Variants in PPP1CB observed in about 807,000 individuals in gnomAD.
PPP1CB encodes the protein protein phosphatase 1 catalytic subunit beta, also known as serine/threonine-protein phosphatase PP1-beta catalytic subunit.
Under a neutral mutation model 43.7 loss-of-function variants are expected in PPP1CB, and 2 were observed. That is an observed-to-expected ratio of 0.05 (90% CI 0.02 to 0.14). PPP1CB has a LOEUF of 0.14. Ranked by LOEUF, PPP1CB falls within the 10% of genes least tolerant of loss-of-function variation. The pLI, the probability that PPP1CB is intolerant of heterozygous loss-of-function variation, is 1.00. For missense variants in PPP1CB, 84 were observed against 398.0 expected (o/e 0.21, Z 6.71); for synonymous variants, 136 against 135.6 (o/e 1.00, Z -0.02).
At chr2:28,765,292 C>T (rs1341484331) in intron 1 of PPP1CB, among the ~76,000 whole-genome samples, 2 of 152,160 alleles carry the variant, frequency 1.3e-5, no homozygotes, top group Admixed American at 1.3e-4. Flanking sequence ...TGATGCTGAT[C>T]TGTAGTGAGA....
chr2:28,783,834 C>A lies in PPP1CB; in HGVS notation c.521-73C>A, dbSNP rs548489417. ...ATAGTGAATCTATTTTGATTAAATG[C>A]TTTTTATTCGGTGACTGTTAAAATA... On this transcript the variant is annotated intron_variant, in intron 4 of 7. Coordinates refer to ENST00000395366, the MANE Select transcript of PPP1CB (RefSeq NM_002709.3). The A allele has an allele frequency of 3.1e-5, 31 of 996,744 alleles. No homozygotes were observed. The Admixed American group carries it at 3.5e-4, about 11-fold the overall frequency. The allele number at this position is 996,744 out of a possible 1,614,324, so 61.7% of individuals were successfully genotyped here. A position where few individuals can be genotyped will look rare whatever the true frequency, so the allele number is the denominator to read the frequency against.
At chr2:28,762,814 C>T (rs1457034198) in intron 1 of PPP1CB, among the ~76,000 whole-genome samples, 1 of 152,180 alleles carries the variant, frequency 6.6e-6, no homozygotes, top group African/African-American at 2.4e-5. Context: ...TTATCTAATA[C>T]AGTATCCAGA....
Position 28,752,151 on chromosome 2 carries a change from C to G in PPP1CB, c.27C>G (p.Asp9Glu). 6.5e-7 allele frequency: 1 copy of G among 1,548,980 alleles called. No homozygotes were observed. Among genetic ancestry groups the G allele is most frequent in the African/African-American group, 1.4e-5 (1 of 72,720 alleles). The change falls in exon 1 of 8, where the codon GAC becomes GAG. Residue 9 changes from aspartate (D) to glutamate (E), a missense_variant. By Grantham distance (45) the Asp-to-Glu change is conservative (BLOSUM62 2). This residue lies in a region of PPP1CB where 27 missense variants were observed against 42.7 expected (regional missense o/e 0.63). Transcript: ENST00000395366. Reference protein sequence around the residue: MADGELNVDSLITRLLEVR... With the variant: MADGELNVESLITRLLEVR... ...TGGCGGACGGGGAGCTGAACGTGGA[C>G]AGCCTCATCACCCGGCTGCTGGAGG...
intron 6 of PPP1CB, among the ~76,000 whole-genome samples, chr2:28,789,321 A>G (rs1667337400): frequency 6.6e-6 from 1 of 151,976 alleles, no homozygotes; most frequent in South Asian, 2.1e-4. Flanking sequence ...AGCCTGGGCA[A>G]CAAAATGAGA....
rs547909075 is a variant in PPP1CB, at chr2:28,802,406, T to G, written c.*3103T>G. The G allele has an allele frequency of 6.6e-5, 10 of 152,332 alleles. No homozygotes were observed. Among genetic ancestry groups the G allele is most frequent in the African/African-American group, 2.2e-4 (9 of 41,576 alleles). 9.4% of individuals were successfully genotyped at this position (152,332 alleles called of 1,614,324 possible). ...CTCCCTAACCAAATCCACCTCTTGT[T>G]TTCCTTGTGAGTCCATGGCTAAATC... is the stretch of plus-strand genomic sequence containing the variant. On this transcript the variant is annotated 3_prime_UTR_variant, in exon 8 of 8. Transcript: ENST00000395366.
At chr2:28,786,306 G>T (rs891006371) in intron 5 of PPP1CB, among the ~76,000 whole-genome samples, 1 of 151,974 alleles carries the variant, frequency 6.6e-6, no homozygotes, top group Admixed American at 6.6e-5. Flanking sequence ...TAGAGACAGG[G>T]TTTCACCATG....
chr2:28,796,258 G>C (rs1046813026), intron 7 of PPP1CB, among the ~76,000 whole-genome samples: 4 of 152,070 alleles, frequency 2.6e-5, no homozygotes, highest in African/African-American at 9.7e-5. Context: ...TGCTTAGGAT[G>C]CTTTGGCTAT....
At chr2:28,754,457 C>A (rs1377254587) in intron 1 of PPP1CB, among the ~76,000 whole-genome samples, 1 of 152,116 alleles carries the variant, frequency 6.6e-6, no homozygotes, top group Non-Finnish European at 1.5e-5. Context: ...AGATAAGACA[C>A]AGTCTCTTCA....
At chr2:28,791,324 T>G (rs2148058495) in intron 6 of PPP1CB, among the ~76,000 whole-genome samples, 1 of 152,088 alleles carries the variant, frequency 6.6e-6, no homozygotes, top group East Asian at 1.9e-4. Context: ...AGTAGTTTTT[T>G]GTTGTTGTTG....
chr2:28,795,246 T>C (rs1012410752), intron 7 of PPP1CB, among the ~76,000 whole-genome samples: 1 of 152,260 alleles, frequency 6.6e-6, no homozygotes, highest in Non-Finnish European at 1.5e-5. Context: ...CAGTTCACTG[T>C]TGATGGACAT....
chr2:28,789,240 C>T (rs925496998), intron 6 of PPP1CB, among the ~76,000 whole-genome samples: 4 of 151,950 alleles, frequency 2.6e-5, no homozygotes, highest in African/African-American at 9.7e-5. Context: ...GGCATGGTGG[C>T]TCACATCTAT....
At chr2:28,761,199 C>T (rs1178573810) in intron 1 of PPP1CB, among the ~76,000 whole-genome samples, 1 of 152,070 alleles carries the variant, frequency 6.6e-6, no homozygotes, top group African/African-American at 2.4e-5. Flanking sequence ...CGAGACCAGA[C>T]TTCTGAGGGG....
At chr2:28,772,591 A>G (rs1666937768) in intron 1 of PPP1CB, among the ~76,000 whole-genome samples, 1 of 152,212 alleles carries the variant, frequency 6.6e-6, no homozygotes, top group Non-Finnish European at 1.5e-5. Context: ...AGCATTTGTA[A>G]TAGCCCCAAA....
intron 1 of PPP1CB, among the ~76,000 whole-genome samples, chr2:28,763,068 C>CT (rs984057464): frequency 2.0e-5 from 3 of 152,186 alleles, no homozygotes; most frequent in African/African-American, 7.2e-5. Flanking sequence ...TCAGTTAATA[C>CT]TTTCCAGTAA....
chr2:28,769,969 G>A (rs529852882), intron 1 of PPP1CB, among the ~76,000 whole-genome samples: 1 of 152,238 alleles, frequency 6.6e-6, no homozygotes, highest in South Asian at 2.1e-4. Context: ...TATATTAAAT[G>A]TAAAAGGAGC....
At chr2:28,752,988 G>T (rs914551798) in intron 1 of PPP1CB, among the ~76,000 whole-genome samples, 5 of 152,192 alleles carry the variant, frequency 3.3e-5, no homozygotes, top group African/African-American at 1.2e-4. Flanking sequence ...AACTTTCCGG[G>T]CTCAAGTGTT....
intron 7 of PPP1CB, among the ~76,000 whole-genome samples, chr2:28,794,535 A>G (rs1054732886): frequency 3.9e-5 from 6 of 151,932 alleles, no homozygotes; most frequent in Non-Finnish European, 7.4e-5. Context: ...CTAAAAATAC[A>G]AAAAAATTAG....
chr2:28,752,049 C>G lies in PPP1CB; in HGVS notation c.-76C>G. The G allele has an allele frequency of 7.0e-7, 1 of 1,427,598 alleles. No homozygotes were observed. Among genetic ancestry groups the G allele is most frequent in the African/African-American group, 1.4e-5 (1 of 70,218 alleles). The allele number at this position is 1,427,598 out of a possible 1,614,324, so 88.4% of individuals were successfully genotyped here. A position where few individuals can be genotyped will look rare whatever the true frequency, so the allele number is the denominator to read the frequency against. On this transcript the variant is annotated 5_prime_UTR_variant, in exon 1 of 8. Transcript: ENST00000395366. ...CGCGTGACTTGTAGGTGAGAGAACG[C>G]CGAGCCGTCGCCGCAGCCTCCGCCG...
rs567683140 is a variant in PPP1CB, at chr2:28,776,255, CTGTT to C, written c.53-586_53-583del. 4.5e-3 allele frequency among the ~76,000 whole-genome samples: 664 copies of C among 149,208 alleles called. 1 individual carries two copies. Among genetic ancestry groups the C allele is most frequent in the Middle Eastern group, 0.014 (4 of 294 alleles). ...TGTTTTTTTTGTTGTTGTTTTTTTT[CTGTT>C]TGTTTGTTTTTTTTTTATTTGAGAC... On this transcript the variant is annotated intron_variant, in intron 1 of 7. Coordinates refer to ENST00000395366, the MANE Select transcript of PPP1CB (RefSeq NM_002709.3).
Sources: gnomAD v4.1 joint callset for allele counts (sites outside exome capture counted in the v4.1 genomes callset) on GRCh38, gnomAD v4.1.1 for gene constraint, gnomAD v4.1.1 regional missense constraint, MANE v1.5 for transcripts, NCBI Gene and HGNC (gene_info 2026-07-23, HGNC 2026-07-21) for gene names.